SIRPG: variants seen among roughly 807,000 people sequenced by gnomAD.
The protein encoded by SIRPG is signal regulatory protein gamma.
A neutral mutation model predicts 35.7 loss-of-function variants in SIRPG; 38 were observed. The ratio of observed to expected loss-of-function variants is 1.06; its 90% CI spans 0.82 to 1.40. SIRPG has a LOEUF of 1.40. SIRPG is among the 40% of genes most tolerant of loss of function. SIRPG has a pLI of 0.00. For synonymous variants in SIRPG, 215 were observed against 190.4 expected (o/e 1.13, Z -1.06); for missense variants, 519 against 483.0 (o/e 1.07, Z -0.70).
intron 1 of SIRPG, among the ~76,000 whole-genome samples, chr20:1,655,936 T>C (rs949501549): frequency 5.3e-5 from 8 of 152,274 alleles, no homozygotes; most frequent in Admixed American, 1.3e-4. Context: ...GTGTATATAA[T>C]GTGTATATAT....
intron 2 of SIRPG, among the ~76,000 whole-genome samples, chr20:1,645,281 T>C (rs1469943726): frequency 1.3e-5 from 2 of 152,068 alleles, no homozygotes; most frequent in Admixed American, 6.6e-5. Context: ...CCCAACCCTA[T>C]GGGGCATGAC....
At chr20:1,637,330 T>A (rs2091811688) in intron 2 of SIRPG, 1 of 213,004 alleles carries the variant, frequency 4.7e-6, no homozygotes, top group African/African-American at 2.4e-5. Context: ...TAGACCTGGA[T>A]AACAATGGAC....
At chr20:1,685,897 C>T in the SIRPG span, among the ~76,000 whole-genome samples, 1 of 152,128 alleles carries the variant, frequency 6.6e-6, no homozygotes, top group Admixed American at 6.5e-5. Context: ...GGCTGTCTCT[C>T]AGCTCACTCT....
intron 4 of SIRPG, among the ~76,000 whole-genome samples, chr20:1,634,214 T>G (rs1352613001): frequency 2.0e-5 from 3 of 150,374 alleles, no homozygotes; most frequent in Non-Finnish European, 4.4e-5. Flanking sequence ...GTACAGTTTT[T>G]TTTTTTTTTT....
Position 1,649,405 on chromosome 20 carries a change from A to C in SIRPG, c.77T>G (p.Val26Gly), listed in dbSNP as rs1183850080. ...LLTLLLGLTE[V>G]AGEEELQMIQ... ...CATCTGTAGCTCCTCCTCACCTGCC[A>C]CTTCTGAAAAGGAGCACAAAGCAAT... is the stretch of plus-strand genomic sequence containing the variant. Residue 26 changes from valine (V) to glycine (G), a missense_variant, in exon 2 of 6, where the codon GTG (valine) becomes GGG (glycine). Physicochemically the swap from Val to Gly is moderately radical, Grantham distance 109. Coordinates refer to ENST00000303415, the MANE Select transcript of SIRPG (RefSeq NM_018556.4). 1 of 1,599,316 alleles carries C rather than the reference A, an allele frequency of 6.3e-7. No homozygotes were observed. The highest frequency in any genetic ancestry group is 1.3e-5 in the African/African-American group (1 of 74,358).
the SIRPG span, chr20:1,670,189 C>T: frequency 1.5e-5 from 4 of 258,790 alleles, no homozygotes; most frequent in Non-Finnish European, 3.4e-5. Flanking sequence ...AGGTGACGTT[C>T]ACCTGGTTCC....
chr20:1,664,554 C>T, the SIRPG span, among the ~76,000 whole-genome samples: 4 of 152,156 alleles, frequency 2.6e-5, no homozygotes, highest in Admixed American at 1.3e-4. Context: ...GTGCCCAGAG[C>T]CCCATTCCTT....
At chr20:1,668,483 C>A in the SIRPG span, among the ~76,000 whole-genome samples, 28 of 152,114 alleles carry the variant, frequency 1.8e-4, 1 homozygote, top group Admixed American at 1.2e-3. Flanking sequence ...GGGGTTTCAC[C>A]ATGTTGGCCA....
chr20:1,669,986 T>C, the SIRPG span: 1 of 242,756 alleles, frequency 4.1e-6, no homozygotes, highest in Non-Finnish European at 9.2e-6. Flanking sequence ...GACCACCAGC[T>C]GCCCATCATG....
chr20:1,654,919 C>T (rs546419843), intron 1 of SIRPG, among the ~76,000 whole-genome samples: 6 of 152,010 alleles, frequency 3.9e-5, no homozygotes, highest in South Asian at 2.1e-4. Context: ...GGCAAGTCAG[C>T]GTATAAAAAA....
chr20:1,675,260 C>T, the SIRPG span, among the ~76,000 whole-genome samples: 4 of 152,076 alleles, frequency 2.6e-5, no homozygotes, highest in Non-Finnish European at 5.9e-5. Flanking sequence ...GCAGGAGGCC[C>T]GACTTTGCTC....
intron 2 of SIRPG, among the ~76,000 whole-genome samples, chr20:1,638,048 T>C (rs2091818577): frequency 1.3e-5 from 2 of 152,196 alleles, no homozygotes; most frequent in Admixed American, 6.5e-5. Context: ...AGAAGTCAAG[T>C]CATCAAGACA....
intron 1 of SIRPG, among the ~76,000 whole-genome samples, chr20:1,650,675 G>C (rs950380801): frequency 1.2e-4 from 18 of 152,112 alleles, no homozygotes; most frequent in Admixed American, 2.6e-4. Context: ...AGAGAAAAAA[G>C]AGCAGAAGAT....
the SIRPG span, among the ~76,000 whole-genome samples, chr20:1,677,644 A>T: frequency 6.6e-6 from 1 of 152,340 alleles, no homozygotes; most frequent in South Asian, 2.1e-4. Context: ...GTGTTACAAC[A>T]AAAGAAATGT....
intron 1 of SIRPG, among the ~76,000 whole-genome samples, chr20:1,656,849 C>A (rs1037359293): frequency 2.0e-5 from 3 of 152,158 alleles, no homozygotes; most frequent in African/African-American, 7.2e-5. Flanking sequence ...GAGACAAGGT[C>A]TTTAACCCAT....
upstream of SIRPG, among the ~76,000 whole-genome samples, chr20:1,659,105 T>C (rs572740432): frequency 2.0e-5 from 3 of 152,294 alleles, no homozygotes; most frequent in South Asian, 6.2e-4. Context: ...TAATTAATTA[T>C]AAGCAAAAAA....
the SIRPG span, among the ~76,000 whole-genome samples, chr20:1,682,315 A>G: frequency 6.6e-6 from 1 of 152,236 alleles, no homozygotes; most frequent in Non-Finnish European, 1.5e-5. Flanking sequence ...TGTGTTTCGC[A>G]TAGTCAAGTG....
intron 2 of SIRPG, among the ~76,000 whole-genome samples, chr20:1,640,577 C>T (rs1199332538): frequency 6.6e-6 from 1 of 152,106 alleles, no homozygotes; most frequent in Non-Finnish European, 1.5e-5. Flanking sequence ...GACTTCCTCT[C>T]TTCTTATTTG....
the SIRPG span, among the ~76,000 whole-genome samples, chr20:1,663,878 T>A: frequency 6.6e-6 from 1 of 152,238 alleles, no homozygotes; most frequent in Non-Finnish European, 1.5e-5. Flanking sequence ...ACTGTCTTAG[T>A]CCACGTGTGT....
Sources: allele counts gnomAD v4.1 joint callset (sites outside exome capture counted in the v4.1 genomes callset), GRCh38; gene constraint gnomAD v4.1.1; transcripts MANE v1.5; gene names NCBI Gene and HGNC (gene_info 2026-07-23, HGNC 2026-07-21).